Variants in PSD2 observed in about 807,000 individuals in gnomAD.
PSD2 encodes the protein pleckstrin and Sec7 domain containing 2.
Under a neutral mutation model 69.8 loss-of-function variants are expected in PSD2, and 38 were observed. That is an observed-to-expected ratio of 0.54 (90% CI 0.42 to 0.71). The LOEUF (loss-of-function observed/expected upper bound fraction) is 0.71, where lower values mean the gene tolerates loss of function less well. Ranked by LOEUF, PSD2 falls within the 30% of genes least tolerant of loss-of-function variation. The pLI is 0.00. For synonymous variants in PSD2, 412 were observed against 423.0 expected, an observed-to-expected ratio of 0.97 and a Z score of 0.32; for missense variants, 943 against 1,014.5, an observed-to-expected ratio of 0.93 and a Z score of 0.96.
intron 7 of PSD2, among the ~76,000 whole-genome samples, chr5:139,826,117 G>A (rs1265706017): frequency 6.6e-6 from 1 of 152,234 alleles, no homozygotes; most frequent in Non-Finnish European, 1.5e-5. Flanking sequence ...CACTGGGGTT[G>A]GAGTGGTCAT....
At chr5:139,811,029 G>C (rs1333871604) in intron 2 of PSD2, among the ~76,000 whole-genome samples, 1 of 152,144 alleles carries the variant, frequency 6.6e-6, no homozygotes, top group African/African-American at 2.4e-5. Context: ...GCTCTGTCTT[G>C]TTTGGATGTC....
intron 8 of PSD2, among the ~76,000 whole-genome samples, chr5:139,834,109 A>G (rs939851143): frequency 6.6e-6 from 1 of 152,116 alleles, no homozygotes; most frequent in African/African-American, 2.4e-5. Context: ...CACAAACATC[A>G]TTATCATCAC....
Position 139,813,575 on chromosome 5 carries a change from G to T in PSD2, c.638G>T (p.Gly213Val). Reference sequence around the variant, plus strand: ...TTTGAGGGGGACATGGGGGCAGCTGGTGGTGATGGGGAGCTGGGCAGCCCC... The same window carrying T: ...TTTGAGGGGGACATGGGGGCAGCTGTTGGTGATGGGGAGCTGGGCAGCCCC... The part of the protein sequence containing the change: ...MAFEGDMGAA[G>V]GDGELGSPLR... Residue 213 changes from glycine to valine, a missense_variant, in exon 3 of 15, where the codon GGT becomes GTT. Gly to Val is a moderately radical substitution (Grantham distance 109, BLOSUM62 -3). Around this residue, in one of 3 missense-constraint regions of PSD2, gnomAD observed 466 missense variants for 445.0 expected, o/e 1.05. Transcript: ENST00000274710. 6.2e-7 allele frequency: 1 copy of T among 1,613,276 alleles called. No individual in the cohort carries two copies. The highest frequency in any genetic ancestry group is 1.7e-4 in the Middle Eastern group (1 of 6,052).
the PSD2 span, among the ~76,000 whole-genome samples, chr5:139,743,243 C>T: frequency 6.6e-6 from 1 of 152,202 alleles, no homozygotes; most frequent in African/African-American, 2.4e-5. Context: ...CTCACCAGCA[C>T]CTTGCTGGAG....
At chr5:139,797,652 G>T (rs537194657) in intron 1 of PSD2, among the ~76,000 whole-genome samples, 1 of 152,168 alleles carries the variant, frequency 6.6e-6, no homozygotes, top group South Asian at 2.1e-4. Context: ...GTGTGGCTGG[G>T]GGGTATTACC....
Position 139,837,326 on chromosome 5 carries a change from A to T in PSD2, c.1665+88A>T. Reference sequence around the variant, plus strand: ...CTTGTGGCACCCCGAAGCCCCAGGCAGGACCTGGGGCTCAGGCACATGCTG... The same window carrying T: ...CTTGTGGCACCCCGAAGCCCCAGGCTGGACCTGGGGCTCAGGCACATGCTG... On this transcript the variant is annotated intron_variant, in intron 11 of 14. Coordinates refer to ENST00000274710, the MANE Select transcript of PSD2 (RefSeq NM_032289.4). The surrounding 1 kb of genome is among the most constrained non-coding windows in gnomAD (Gnocchi z 5.0). 2.3e-6 allele frequency: 3 copies of T among 1,294,266 alleles called. No homozygotes were observed. The highest frequency in any genetic ancestry group is 3.3e-6 in the Non-Finnish European group (3 of 904,586). 80.2% of individuals were successfully genotyped at this position (1,294,266 alleles called of 1,614,324 possible).
chr5:139,781,093 G>T, the PSD2 span, among the ~76,000 whole-genome samples: 104 of 152,142 alleles, frequency 6.8e-4, no homozygotes, highest in Non-Finnish European at 1.2e-3. Flanking sequence ...AAAACACATT[G>T]AGCATGCCTC....
chr5:139,796,748 C>T (rs1429676333), intron 1 of PSD2, among the ~76,000 whole-genome samples: 2 of 152,218 alleles, frequency 1.3e-5, no homozygotes, highest in Non-Finnish European at 2.9e-5. Context: ...ATTGTTTTTG[C>T]ATAGGCCCAG....
the PSD2 span, among the ~76,000 whole-genome samples, chr5:139,781,556 T>C: frequency 6.6e-6 from 1 of 152,098 alleles, no homozygotes; most frequent in Non-Finnish European, 1.5e-5. Flanking sequence ...AGAGTGGTCT[T>C]GATCTTCTGA....
At chr5:139,751,017 A>T in the PSD2 span, among the ~76,000 whole-genome samples, 1 of 152,288 alleles carries the variant, frequency 6.6e-6, no homozygotes, top group African/African-American at 2.4e-5. Context: ...GGCCTCTCCC[A>T]TGGGGATCCT....
the PSD2 span, among the ~76,000 whole-genome samples, chr5:139,779,968 A>T: frequency 6.6e-6 from 1 of 152,224 alleles, no homozygotes; most frequent in Non-Finnish European, 1.5e-5. Flanking sequence ...GAACCATTGT[A>T]AACAAAACTG....
upstream of PSD2, among the ~76,000 whole-genome samples, chr5:139,792,707 T>C (rs1457658108): frequency 6.6e-6 from 1 of 151,942 alleles, no homozygotes; most frequent in East Asian, 1.9e-4. Flanking sequence ...TCTTTCTTTC[T>C]CTTTCTTTCT....
Position 139,830,518 on chromosome 5 carries a change from T to TTTTCTTCC in PSD2, c.1270-3181_1270-3174dup, listed in dbSNP as rs1487406674. On this transcript the variant is annotated intron_variant, in intron 7 of 14. Transcript: ENST00000274710. Reference sequence around the variant, plus strand: ...AGCATGTGCCATCATGCCCAGCTAATTTTCTTCCTTCCTTCCTTCCTTCCT... The same window carrying TTTTCTTCC: ...AGCATGTGCCATCATGCCCAGCTAATTTTCTTCCTTTCTTCCTTCCTTCCTTCCTTCCT... Among the ~76,000 whole-genome samples the TTTTCTTCC allele has an allele frequency of 5.6e-5, 5 of 89,624 alleles. No homozygotes were observed. The South Asian group carries it at 2.4e-3, about 44-fold the overall frequency. 58.8% of individuals were successfully genotyped at this position (89,624 alleles called of 152,430 possible).
At chr5:139,748,216 C>G in the PSD2 span, among the ~76,000 whole-genome samples, 2,880 of 150,880 alleles carry the variant, frequency 0.019, 101 homozygotes, top group African/African-American at 0.066. Flanking sequence ...CAGCCAGACA[C>G]GGTTCGAGAG....
chr5:139,807,709 C>A (rs868264609), intron 1 of PSD2, among the ~76,000 whole-genome samples: 24 of 152,266 alleles, frequency 1.6e-4, no homozygotes, highest in Middle Eastern at 3.4e-3. Context: ...TGTTTGAAAA[C>A]CCAGGTTAAA....
chr5:139,762,895 G>A, the PSD2 span, among the ~76,000 whole-genome samples: 147 of 152,198 alleles, frequency 9.7e-4, no homozygotes, highest in Middle Eastern at 0.01. Context: ...GGAGAGCAGC[G>A]GAGTCGCTGG....
At chr5:139,810,534 C>T (rs1759930909) in intron 2 of PSD2, among the ~76,000 whole-genome samples, 1 of 152,144 alleles carries the variant, frequency 6.6e-6, no homozygotes, top group African/African-American at 2.4e-5. Flanking sequence ...TGTGCCTGCC[C>T]TGCATGTCAT....
rs1197064953 is a variant in PSD2, at chr5:139,837,842, A to G, written c.1823+60A>G. ...GGGCCCAGGGCCACAGTGACCCGGC[A>G]CACAACCCCTCTCCTTCCCGTGAGT... On this transcript the variant is annotated intron_variant, in intron 12 of 14. Transcript: ENST00000274710. The surrounding 1 kb of genome is among the most constrained non-coding windows in gnomAD (Gnocchi z 5.0). 4.6e-6 allele frequency: 7 copies of G among 1,515,084 alleles called. No individual in the cohort carries two copies. The African/African-American group carries it at 9.6e-5, about 21-fold the overall frequency. 93.9% of individuals were successfully genotyped at this position (1,515,084 alleles called of 1,614,324 possible). A position where few individuals can be genotyped will look rare whatever the true frequency, so the allele number is the denominator to read the frequency against.
chr5:139,837,241 G>A lies in PSD2; in HGVS notation c.1665+3G>A. On this transcript the variant is annotated splice_donor_region_variant and intron_variant, in intron 11 of 14. Transcript: ENST00000274710. The surrounding 1 kb of genome is among the most constrained non-coding windows in gnomAD (Gnocchi z 5.0). ...GGACCATCCTGTACCTGCAGAAGGT[G>A]AGAGACTGCCCCAGAGACCTTACTC... is the stretch of plus-strand genomic sequence containing the variant. 1.9e-6 allele frequency: 3 copies of A among 1,613,832 alleles called. No homozygotes were observed. Among genetic ancestry groups the A allele is most frequent in the Non-Finnish European group, 2.5e-6 (3 of 1,179,722 alleles).
Sources: allele counts gnomAD v4.1 joint callset (sites outside exome capture counted in the v4.1 genomes callset), GRCh38; gene constraint gnomAD v4.1.1; regional missense constraint gnomAD v4.1.1; non-coding constraint Gnocchi (gnomAD v3.1); transcripts MANE v1.5; gene names NCBI Gene and HGNC (gene_info 2026-07-23, HGNC 2026-07-21).